The following ELFN2 variants were observed in gnomAD, a reference collection of about 807,000 sequenced individuals.
ELFN2 encodes the protein protein phosphatase 1 regulatory subunit 29.
ELFN2 carries 17 observed loss-of-function variants against 45.5 expected under a neutral mutation model. That is an observed-to-expected ratio of 0.37 (90% CI 0.26 to 0.56). The LOEUF (loss-of-function observed/expected upper bound fraction) is 0.56, where lower values mean the gene tolerates loss of function less well. ELFN2 is among the 20% of genes least tolerant of loss of function. ELFN2 has a pLI of 0.77. For synonymous variants in ELFN2, 550 were observed against 551.5 expected (o/e 1.00, Z 0.04); for missense variants, 922 against 1,183.2 (o/e 0.78, Z 3.24).
rs78164249 is a variant in ELFN2 at position 37,392,875 on chromosome 22, G to A, written c.-462-16879C>T. ...CATATTTCCATCAGCAGCAGCTCACGCACCCCTTTCCAAGGCCTTCAGGAG... is the reference window on the plus strand; with the variant it reads ...CATATTTCCATCAGCAGCAGCTCACACACCCCTTTCCAAGGCCTTCAGGAG... On this transcript the variant is annotated intron_variant, in intron 2 of 2. Transcript: ENST00000402918. Among the ~76,000 whole-genome samples, 403 of 152,258 alleles carry A rather than the reference G, an allele frequency of 2.6e-3. 4 individuals are homozygous for A. Among genetic ancestry groups the A allele is most frequent in the African/African-American group, 9.1e-3 (377 of 41,534 alleles).
intron 2 of ELFN2, among the ~76,000 whole-genome samples, chr22:37,404,827 A>G (rs1010631160): frequency 1.1e-4 from 17 of 152,136 alleles, no homozygotes; most frequent in Non-Finnish European, 5.9e-5. Flanking sequence ...CAGCTATGGG[A>G]TCCTTGGCAA....
intron 1 of ELFN2, among the ~76,000 whole-genome samples, chr22:37,343,729 C>T (rs1930620663): frequency 6.7e-6 from 1 of 149,364 alleles, no homozygotes; most frequent in South Asian, 2.1e-4. Flanking sequence ...CGGACCCCAG[C>T]CTCCCCAACT....
chr22:37,392,683 GAC>G, intron 2 of ELFN2, among the ~76,000 whole-genome samples: 1 of 152,240 alleles, frequency 6.6e-6, no homozygotes, highest in East Asian at 1.9e-4. Flanking sequence ...GAGATTAAGT[GAC>G]ATCCTCAAGA....
intron 2 of ELFN2, among the ~76,000 whole-genome samples, chr22:37,395,532 A>T (rs1932192924): frequency 6.6e-6 from 1 of 152,094 alleles, no homozygotes; most frequent in Non-Finnish European, 1.5e-5. Flanking sequence ...CTCTGCCCAG[A>T]TCTCCTTCCC....
At chr22:37,367,145 A>C (rs540275598), downstream of ELFN2, among the ~76,000 whole-genome samples, 71 of 152,276 alleles carry the variant, frequency 4.7e-4, no homozygotes, top group African/African-American at 1.6e-3. Flanking sequence ...GCAATTGGAG[A>C]ACAAGAGTCT....
chr22:37,409,461 A>G (rs1370556578), intron 2 of ELFN2, among the ~76,000 whole-genome samples: 1 of 151,800 alleles, frequency 6.6e-6, no homozygotes, highest in Non-Finnish European at 1.5e-5. Context: ...CCCACACCCT[A>G]CCTTTCCCCA....
chr22:37,389,362 T>G (rs911762236), intron 2 of ELFN2, among the ~76,000 whole-genome samples: 11 of 152,042 alleles, frequency 7.2e-5, no homozygotes, highest in Admixed American at 1.3e-4. Context: ...CTCGCAACCC[T>G]ATGGAATTGA....
At position 37,374,914 on chromosome 22, in the gene ELFN2, G is replaced by C; in HGVS notation, c.621C>G (p.Thr207=). 1.2e-6 allele frequency: 2 copies of C among 1,612,534 alleles called. No individual in the cohort carries two copies. The highest frequency in any genetic ancestry group is 1.7e-6 in the Non-Finnish European group (2 of 1,179,926). ...CACACTGCAGGCGGTCGTAGTTCTT[G>C]GTGACGTTGTTGAAGACCACCAGCC... The part of the protein sequence containing the change: ...LAWLVVFNNV[T]KNYDRLQCES... The change falls in exon 3 of 3, where the codon ACC becomes ACG. Residue 207 remains threonine, a synonymous_variant. Transcript: ENST00000402918.
intron 2 of ELFN2, among the ~76,000 whole-genome samples, chr22:37,402,732 G>A (rs546912459): frequency 2.9e-4 from 44 of 152,224 alleles, no homozygotes; most frequent in Non-Finnish European, 5.3e-4. Flanking sequence ...GGCCAGTTAC[G>A]CAGGTGGCAG....
intron 2 of ELFN2, among the ~76,000 whole-genome samples, chr22:37,397,986 C>T (rs1330113189): frequency 1.3e-5 from 2 of 152,126 alleles, no homozygotes; most frequent in Non-Finnish European, 2.9e-5. Flanking sequence ...GCGAGGCTGC[C>T]CTGCAGGGTT....
At chr22:37,386,323 C>T (rs1232129564) in intron 2 of ELFN2, among the ~76,000 whole-genome samples, 1 of 152,104 alleles carries the variant, frequency 6.6e-6, no homozygotes, top group Non-Finnish European at 1.5e-5. Flanking sequence ...CCCATGGACT[C>T]CCTCACTCTG....
downstream of ELFN2, among the ~76,000 whole-genome samples, chr22:37,363,144 G>C (rs1931126655): frequency 1.3e-5 from 2 of 152,170 alleles, no homozygotes; most frequent in Non-Finnish European, 2.9e-5. Flanking sequence ...CCCTGAGTCT[G>C]GTCTGCAGCC....
intron 2 of ELFN2, among the ~76,000 whole-genome samples, chr22:37,413,042 G>A (rs974380135): frequency 2.6e-5 from 4 of 152,198 alleles, no homozygotes; most frequent in Non-Finnish European, 4.4e-5. Context: ...CTGTTTGGTC[G>A]TTTGCAACCG....
chr22:37,357,801 G>T (rs1413248350), intron 1 of ELFN2, among the ~76,000 whole-genome samples: 2 of 152,294 alleles, frequency 1.3e-5, no homozygotes, highest in Admixed American at 1.3e-4. Flanking sequence ...CAACTTCCCT[G>T]GGTGAGAATG....
rs56073200 is a variant in ELFN2, at chr22:37,412,277, CAAAAA to C, written c.-463+5487_-463+5491del. ...TGGGCAAACAAGCAAAACTCCGTCT[CAAAAA>C]AAAAAAAAAAAAAGAAAGAAAGAAA... On this transcript the variant is annotated intron_variant, in intron 2 of 2. Coordinates refer to ENST00000402918, the MANE Select transcript of ELFN2 (RefSeq NM_052906.5). 4.0e-3 allele frequency among the ~76,000 whole-genome samples: 371 copies of C among 92,282 alleles called. 4 individuals carry two copies. Among genetic ancestry groups the C allele is most frequent in the African/African-American group, 0.015 (337 of 22,800 alleles). 60.5% of individuals were successfully genotyped at this position (92,282 alleles called of 152,430 possible).
In ELFN2 at chr22:37,398,800, C is replaced by T. The variant is rs11914084; in HGVS notation, c.-463+18969G>A. Among the ~76,000 whole-genome samples the T allele has an allele frequency of 4.5e-3, 682 of 152,230 alleles. 7 individuals carry two copies. Among genetic ancestry groups the T allele is most frequent in the African/African-American group, 0.016 (669 of 41,524 alleles). ...TGCACACATGTGCACACATGTACACCTCTCCAGCTGGTGCGGGATCTCCTA... is the reference window on the plus strand; with the variant it reads ...TGCACACATGTGCACACATGTACACTTCTCCAGCTGGTGCGGGATCTCCTA... On this transcript the variant is annotated intron_variant, in intron 2 of 2. Transcript: ENST00000402918.
intron 1 of ELFN2, among the ~76,000 whole-genome samples, chr22:37,421,321 G>C (rs908471764): frequency 6.6e-6 from 1 of 152,226 alleles, no homozygotes. Context: ...CAAGATAACA[G>C]AGAGCGCCTT....
chr22:37,395,968 G>A (rs1212468025), intron 2 of ELFN2, among the ~76,000 whole-genome samples: 7 of 152,156 alleles, frequency 4.6e-5, no homozygotes, highest in East Asian at 3.9e-4. Flanking sequence ...CCAGATACCC[G>A]AAGCTGGTGG....
At chr22:37,408,381 G>A (rs2145679163) in intron 2 of ELFN2, among the ~76,000 whole-genome samples, 1 of 152,342 alleles carries the variant, frequency 6.6e-6, no homozygotes, top group South Asian at 2.1e-4. Context: ...CTGGTCATGG[G>A]GCCTTGGCAG....
Sources: allele counts gnomAD v4.1 joint callset (sites outside exome capture counted in the v4.1 genomes callset), GRCh38; gene constraint gnomAD v4.1.1; transcripts MANE v1.5; gene names NCBI Gene and HGNC (gene_info 2026-07-23, HGNC 2026-07-21).